TECTA: variants seen among roughly 807,000 people sequenced by gnomAD.
TECTA encodes alpha-tectorin.
A neutral mutation model predicts 216.8 loss-of-function variants in TECTA; 128 were observed. The observed-to-expected ratio is 0.59, with a 90% CI of 0.51 to 0.68. The LOEUF (loss-of-function observed/expected upper bound fraction) is 0.68, where lower values mean the gene tolerates loss of function less well. Among genes scored for constraint, TECTA ranks in the 30% least tolerant of loss-of-function variants. The pLI is 0.00. For missense variants in TECTA, 2,551 were observed against 2,786.2 expected (o/e 0.92, Z 1.90); for synonymous variants, 1,089 against 1,117.1 (o/e 0.97, Z 0.50).
chr11:121,153,751 C>G (rs146577733), intron 13 of TECTA, among the ~76,000 whole-genome samples: 1 of 152,168 alleles, frequency 6.6e-6, no homozygotes, highest in Non-Finnish European at 1.5e-5. Flanking sequence ...TATTAGTTCA[C>G]GAAATCATTT....
rs771530267 is a variant in TECTA, at chr11:121,109,347, A to G, written c.335A>G (p.Tyr112Cys). 9 of 1,614,180 alleles carry G rather than the reference A, an allele frequency of 5.6e-6. No homozygotes were observed. The South Asian group carries it at 6.6e-5, about 12-fold the overall frequency. ...DVHNGIRGEI[Y>C]YRETMEPAIL... ...CACAATGGAATTCGAGGCGAGATCT[A>G]TTACAGAGAGACCATGGAGCCTGCC... is the stretch of plus-strand genomic sequence containing the variant. The change falls in exon 4 of 24, where the codon TAT becomes TGT. Residue 112 changes from tyrosine (Y) to cysteine (C), a missense_variant. Tyr to Cys is a radical substitution (Grantham distance 194, BLOSUM62 -2). Transcript: ENST00000392793.
rs1360268860 is a variant in TECTA, at chr11:121,145,666, T to C, written c.3655T>C (p.Tyr1219His). Residue 1219 changes from tyrosine (Y) to histidine (H), a missense_variant, in exon 12 of 24, where the codon TAT becomes CAT. Around this residue, in one of 3 missense-constraint regions of TECTA, gnomAD observed 2,375 missense variants for 2,563.9 expected, o/e 0.93. Transcript: ENST00000392793. ...AACTGATTTTGGCCTGAAGGTTGTA[T>C]ATGACTGGAAGACCTTCCTGTCCAT... Reference protein sequence around the residue: ...VETDFGLKVVYDWKTFLSITV... With the variant: ...VETDFGLKVVHDWKTFLSITV... 1 of 1,614,134 alleles carries C rather than the reference T, an allele frequency of 6.2e-7. No individual in the cohort carries two copies. The highest frequency in any genetic ancestry group is 1.3e-5 in the African/African-American group (1 of 74,932).
intron 20 of TECTA, 83 bp from the exon 21 acceptor site, chr11:121,187,749 A>T: frequency 6.6e-7 from 1 of 1,524,420 alleles, no homozygotes. Context: ...TTATGTGAAA[A>T]GTGAAATTTT....
intron 7 of TECTA, among the ~76,000 whole-genome samples, chr11:121,124,592 C>T (rs976269409): frequency 6.6e-6 from 1 of 152,208 alleles, no homozygotes; most frequent in Admixed American, 6.5e-5. Flanking sequence ...AAAGAGTATG[C>T]TGTAAGTATC....
rs1434007329 is a variant in TECTA, at chr11:121,127,747, G to A, written c.1775-5G>A. The A allele has an allele frequency of 3.7e-6, 6 of 1,613,958 alleles. No homozygotes were observed. Among genetic ancestry groups the A allele is most frequent in the Non-Finnish European group, 4.2e-6 (5 of 1,179,954 alleles). ...TTATCGGCTCTCTTCCTTTCCCCGC[G>A]TCAGTGTCCACAGTGCAGTGCCCGA... On this transcript the variant is annotated splice_region_variant and splice_polypyrimidine_tract_variant and intron_variant, in intron 8 of 23. Coordinates refer to ENST00000392793, the MANE Select transcript of TECTA (RefSeq NM_005422.4). This position sits in a 1 kb window ranked among gnomAD's most constrained non-coding sequence, Gnocchi z 5.0.
At position 121,116,193 on chromosome 11, in the gene TECTA, G is replaced by T. The variant is rs114466324; in HGVS notation, c.791-2113G>T. 8.9e-3 allele frequency among the ~76,000 whole-genome samples: 1,348 copies of T among 152,290 alleles called. 22 individuals are homozygous for T. The highest frequency in any genetic ancestry group is 0.031 in the African/African-American group (1,281 of 41,538). Reference sequence around the variant, plus strand: ...GGATAGGAAATAATCTAGTTCCAGAGCTCATTAGGATTTGAGATTGTACCC... The same window carrying T: ...GGATAGGAAATAATCTAGTTCCAGATCTCATTAGGATTTGAGATTGTACCC... On this transcript the variant is annotated intron_variant, in intron 6 of 23. Coordinates refer to ENST00000392793, the MANE Select transcript of TECTA (RefSeq NM_005422.4).
At position 121,130,095 on chromosome 11, in the gene TECTA, G is replaced by A. The variant is rs774867371; in HGVS notation, c.2825G>A (p.Arg942His). 83 of 1,613,544 alleles carry A rather than the reference G, an allele frequency of 5.1e-5. No individual in the cohort carries two copies. In the Admixed American group the frequency reaches 5.7e-4, roughly 11 times the overall value. The change falls in exon 10 of 24, where the codon CGC becomes CAC. Residue 942 changes from arginine to histidine, a missense_variant. Arg to His is a conservative substitution (Grantham distance 29, BLOSUM62 0). Transcript: ENST00000392793. ...GCCTATTACCGCACCTGCCTTTTCC[G>A]CCTGTGCCAGAGTGGGGGCAATGAG... ...VTAYYRTCLF[R>H]LCQSGGNESE... is the part of the protein sequence containing the mutation.
intron 12 of TECTA, 148 bp from the exon 13 acceptor site, chr11:121,152,733 G>C: frequency 1.3e-6 from 1 of 741,934 alleles, no homozygotes; most frequent in Middle Eastern, 2.6e-4. Context: ...TGAGCAAAGA[G>C]GGCAGTAATG....
At chr11:121,171,391 T>C (rs1251906565) in intron 20 of TECTA, among the ~76,000 whole-genome samples, 1 of 152,200 alleles carries the variant, frequency 6.6e-6, no homozygotes, top group Non-Finnish European at 1.5e-5. Flanking sequence ...TTAGTGAGTA[T>C]TGCTTGGGCT....
At position 121,189,817 on chromosome 11, in the gene TECTA, G is replaced by T; in HGVS notation, c.6304G>T (p.Val2102Leu). 1 of 1,614,006 alleles carries T rather than the reference G, an allele frequency of 6.2e-7. No individual in the cohort carries two copies. Among genetic ancestry groups the T allele is most frequent in the Non-Finnish European group, 8.5e-7 (1 of 1,180,008 alleles). ...GTGTGAGCAGATTTGCACGAGCCGGGTGGATGGGCCTCTCTGCAGCTGTGT... is the reference window on the plus strand; with the variant it reads ...GTGTGAGCAGATTTGCACGAGCCGGTTGGATGGGCCTCTCTGCAGCTGTGT... ...GGCEQICTSR[V>L]DGPLCSCVTG... is the part of the protein sequence containing the mutation. The change falls in exon 23 of 24, where the codon GTG becomes TTG. Residue 2102 changes from valine to leucine, a missense_variant. Coordinates refer to ENST00000392793, the MANE Select transcript of TECTA (RefSeq NM_005422.4).
At position 121,125,289 on chromosome 11, in the gene TECTA, CTGT is replaced by C; in HGVS notation, c.1204-7_1204-5del. ...CCTGCTCACCTGCCTTTCACTATTA[CTGT>C]TGTTGGCAGGTTAATGACCTAGTGA... On this transcript the variant is annotated splice_polypyrimidine_tract_variant and intron_variant, in intron 7 of 23. Coordinates refer to ENST00000392793, the MANE Select transcript of TECTA (RefSeq NM_005422.4). 1 of 1,610,816 alleles carries C rather than the reference CTGT, an allele frequency of 6.2e-7. No individual in the cohort carries two copies. Among genetic ancestry groups the C allele is most frequent in the Non-Finnish European group, 8.5e-7 (1 of 1,179,626 alleles).
chr11:121,134,870 T>C (rs578101649), intron 10 of TECTA, among the ~76,000 whole-genome samples: 14 of 151,982 alleles, frequency 9.2e-5, no homozygotes, highest in African/African-American at 3.1e-4. Flanking sequence ...TGATATTCCC[T>C]GTTTCCCTGC....
rs142234480 is a variant in TECTA, at chr11:121,105,284, A to G, written c.65-547A>G. The stretch of plus-strand genomic sequence containing the variant: ...AGAGCCTCTTGCAGGGCCGCCCTCA[A>G]TCAAGGTCATTCATGGGCCAATTGC... On this transcript the variant is annotated intron_variant, in intron 2 of 23. Transcript: ENST00000392793. This position sits in a 1 kb window ranked among gnomAD's most constrained non-coding sequence, Gnocchi z 5.3. 4.5e-3 allele frequency among the ~76,000 whole-genome samples: 681 copies of G among 152,334 alleles called. 6 individuals are homozygous for G. Among genetic ancestry groups the G allele is most frequent in the African/African-American group, 0.015 (636 of 41,576 alleles).
chr11:121,189,135 A>G lies in TECTA; in HGVS notation c.6218A>G (p.Gln2073Arg). The G allele has an allele frequency of 6.2e-7, 1 of 1,614,200 alleles. No homozygotes were observed. The highest frequency in any genetic ancestry group is 8.5e-7 in the Non-Finnish European group (1 of 1,180,024). Residue 2073 changes from glutamine to arginine, a missense_variant, in exon 22 of 24, where the codon CAG becomes CGG. Gln to Arg is a conservative substitution (Grantham distance 43, BLOSUM62 1). Coordinates refer to ENST00000392793, the MANE Select transcript of TECTA (RefSeq NM_005422.4). Reference protein sequence around the residue: ...ATDYTKEPKEQIISVGPIRRK... With the variant: ...ATDYTKEPKERIISVGPIRRK... ...GATTACACAAAAGAGCCCAAAGAAC[A>G]GATCATTTCAGTGGGACCTATTAGG...
chr11:121,180,150 T>C (rs576402424), intron 20 of TECTA, among the ~76,000 whole-genome samples: 9 of 151,736 alleles, frequency 5.9e-5, no homozygotes, highest in African/African-American at 1.9e-4. Context: ...ATTATTGTAG[T>C]TTGGTGGCTT....
intron 10 of TECTA, among the ~76,000 whole-genome samples, chr11:121,133,097 T>C (rs997113115): frequency 1.3e-5 from 2 of 152,214 alleles, no homozygotes; most frequent in Non-Finnish European, 2.9e-5. Flanking sequence ...TTTCCTCCTG[T>C]TTGCTTATTT....
chr11:121,138,053 G>T (rs765317482), intron 11 of TECTA, 31 bp downstream of exon 11: 1 of 1,612,958 alleles, frequency 6.2e-7, no homozygotes, highest in Non-Finnish European at 8.5e-7. Context: ...CTCAAAAGGG[G>T]AATCGTGGAG....
Position 121,125,801 on chromosome 11 carries a change from T to C in TECTA, c.1703T>C (p.Ile568Thr). 6.2e-7 allele frequency: 1 copy of C among 1,614,040 alleles called. No individual in the cohort carries two copies. The highest frequency in any genetic ancestry group is 8.5e-7 in the Non-Finnish European group (1 of 1,180,044). Residue 568 changes from isoleucine (I) to threonine (T), a missense_variant, in exon 8 of 24, where the codon ATC (isoleucine) becomes ACC (threonine). By Grantham distance (89) the Ile-to-Thr change is moderately conservative. Coordinates refer to ENST00000392793, the MANE Select transcript of TECTA (RefSeq NM_005422.4). ...RDNGTLLCQA[I>T]QAYALVCQAL... ...AATGGCACGCTCCTCTGCCAAGCCA[T>C]CCAGGCCTATGCTCTTGTGTGCCAA...
chr11:121,120,388 C>T (rs900096262), intron 7 of TECTA, among the ~76,000 whole-genome samples: 39 of 152,204 alleles, frequency 2.6e-4, no homozygotes, highest in African/African-American at 8.4e-4. Flanking sequence ...GGTTTCCAAG[C>T]GTCTCTGAAT....
Sources: gnomAD v4.1 joint callset for allele counts (sites outside exome capture counted in the v4.1 genomes callset) on GRCh38, gnomAD v4.1.1 for gene constraint, gnomAD v4.1.1 regional missense constraint, Gnocchi (gnomAD v3.1) non-coding constraint, MANE v1.5 for transcripts, NCBI Gene and HGNC (gene_info 2026-07-23, HGNC 2026-07-21) for gene names.